CPD: variants seen among roughly 807,000 people sequenced by gnomAD.
CPD encodes metallocarboxypeptidase D.
CPD carries 69 observed loss-of-function variants against 138.3 expected under a neutral mutation model. The ratio of observed to expected loss-of-function variants is 0.50; its 90% CI spans 0.41 to 0.61. The LOEUF (loss-of-function observed/expected upper bound fraction) is 0.61, where lower values mean the gene tolerates loss of function less well. Ranked by LOEUF, CPD falls within the 20% of genes least tolerant of loss-of-function variation. The probability of loss-of-function intolerance (pLI) is 0.00; values close to 1 mark genes in which losing one functional copy is unlikely to be tolerated. For synonymous variants in CPD, 651 were observed against 642.1 expected, an observed-to-expected ratio of 1.01 and a Z score of -0.21; for missense variants, 1,432 against 1,733.3, an observed-to-expected ratio of 0.83 and a Z score of 3.09.
At chr17:30,400,912 C>T (rs1017920423) in intron 2 of CPD, among the ~76,000 whole-genome samples, 2 of 150,530 alleles carry the variant, frequency 1.3e-5, no homozygotes, top group Admixed American at 1.3e-4. Context: ...CTCCTGACCT[C>T]GTGATCCGCC....
chr17:30,461,256 G>C lies in CPD; in HGVS notation c.3575G>C (p.Arg1192Pro). ...TSCCYFPSAA[R>P]LPSLWADNKR... is the part of the protein sequence containing the mutation. Reference sequence around the variant, plus strand: ...TGCTGTTACTTTCCTAGTGCTGCACGACTCCCTTCCTTGTGGGCAGACAAT... The same window carrying C: ...TGCTGTTACTTTCCTAGTGCTGCACCACTCCCTTCCTTGTGGGCAGACAAT... Residue 1192 changes from arginine (R) to proline (P), a missense_variant, in exon 18 of 21, where the codon CGA becomes CCA. Physicochemically the swap from Arg to Pro is moderately radical, Grantham distance 103. Transcript: ENST00000225719. 1 of 1,612,032 alleles carries C rather than the reference G, an allele frequency of 6.2e-7. No homozygotes were observed. The highest frequency in any genetic ancestry group is 8.5e-7 in the Non-Finnish European group (1 of 1,179,038).
At chr17:30,437,339 G>A (rs1912729103) in intron 8 of CPD, among the ~76,000 whole-genome samples, 1 of 151,948 alleles carries the variant, frequency 6.6e-6, no homozygotes, top group African/African-American at 2.4e-5. Flanking sequence ...AAGACTGAGG[G>A]GTGGAGGATC....
chr17:30,419,940 C>G (rs1392022759), intron 2 of CPD, among the ~76,000 whole-genome samples: 2 of 152,214 alleles, frequency 1.3e-5, no homozygotes, highest in African/African-American at 4.8e-5. Flanking sequence ...ATCTGAGATG[C>G]ACTGGGGGTT....
Position 30,464,757 on chromosome 17 carries a change from T to G in CPD, c.4086T>G (p.His1362Gln). 2 of 1,613,988 alleles carry G rather than the reference T, an allele frequency of 1.2e-6. No individual in the cohort carries two copies. The highest frequency in any genetic ancestry group is 1.7e-6 in the Non-Finnish European group (2 of 1,179,906). The change falls in exon 21 of 21, where the codon CAT (histidine) becomes CAG (glutamine). Residue 1362 changes from histidine (H) to glutamine (Q), a missense_variant. His to Gln is a conservative substitution (Grantham distance 24). Coordinates refer to ENST00000225719, the MANE Select transcript of CPD (RefSeq NM_001304.5). ...GCTCCAAGAAGTCCCTCCTAAGCCATGAGTTCCAGGATGAAACAGACACTG... is the reference window on the plus strand; with the variant it reads ...GCTCCAAGAAGTCCCTCCTAAGCCAGGAGTTCCAGGATGAAACAGACACTG... ...STGSKKSLLS[H>Q]EFQDETDTEE... is the part of the protein sequence containing the mutation.
rs1913611363 is a variant in CPD, at chr17:30,465,468, C to G, written c.*654C>G. 1 of 152,632 alleles carries G rather than the reference C, an allele frequency of 6.6e-6. No homozygotes were observed. The highest frequency in any genetic ancestry group is 1.5e-5 in the Non-Finnish European group (1 of 68,064). 9.5% of individuals were successfully genotyped at this position (152,632 alleles called of 1,614,324 possible). A position where few individuals can be genotyped will look rare whatever the true frequency, so the allele number is the denominator to read the frequency against. On this transcript the variant is annotated 3_prime_UTR_variant, in exon 21 of 21. Transcript: ENST00000225719. ...TTTCACTACCTCTCTTAAGGTTTAG[C>G]AAACTTCTAAATAGCCCATTTTAAG...
At position 30,421,697 on chromosome 17, in the gene CPD, T is replaced by A. The variant is rs1410357042; in HGVS notation, c.1171T>A (p.Ser391Thr). 6.2e-7 allele frequency: 1 copy of A among 1,613,804 alleles called. No homozygotes were observed. The highest frequency in any genetic ancestry group is 8.5e-7 in the Non-Finnish European group (1 of 1,179,798). The change falls in exon 4 of 21, where the codon TCC becomes ACC. Residue 391 changes from serine (S) to threonine (T), a missense_variant. This residue lies in a region of CPD where 160 missense variants were observed against 197.9 expected (regional missense o/e 0.81). Coordinates refer to ENST00000225719, the MANE Select transcript of CPD (RefSeq NM_001304.5). ...TGGAGTGAAAGGATTTGTTAAAGAT[T>A]CCATAACAGGATCTGGGTTAGAGAA... is the stretch of plus-strand genomic sequence containing the variant. The part of the protein sequence containing the change: ...HIGVKGFVKD[S>T]ITGSGLENAT...
intron 12 of CPD, among the ~76,000 whole-genome samples, chr17:30,448,326 G>A (rs1913080292): frequency 6.6e-6 from 1 of 152,104 alleles, no homozygotes. Flanking sequence ...TCACACCACT[G>A]TACTCCAGCC....
At chr17:30,458,519 T>A (rs1261595661) in intron 17 of CPD, among the ~76,000 whole-genome samples, 1 of 151,906 alleles carries the variant, frequency 6.6e-6, no homozygotes, top group Admixed American at 6.6e-5. Flanking sequence ...GCGGGGTACA[T>A]GGCCCCCCTG....
At chr17:30,395,034 G>C (rs1911461389) in intron 2 of CPD, among the ~76,000 whole-genome samples, 2 of 152,082 alleles carry the variant, frequency 1.3e-5, no homozygotes. Context: ...GCTTGGGAGA[G>C]AGGTCAAGAT....
intron 2 of CPD, among the ~76,000 whole-genome samples, chr17:30,400,925 T>C (rs966441874): frequency 4.0e-5 from 6 of 151,352 alleles, no homozygotes; most frequent in Non-Finnish European, 7.4e-5. Flanking sequence ...GATCCGCCCG[T>C]CTCGGCCTCC....
rs895229211 is a variant in CPD at position 30,468,022 on chromosome 17, C to T, written c.*3208C>T. On this transcript the variant is annotated 3_prime_UTR_variant, in exon 21 of 21. Coordinates refer to ENST00000225719, the MANE Select transcript of CPD (RefSeq NM_001304.5). ...ACTTTTTTGGTAACTCTTTGGGTTT[C>T]TGATTTGTTTTAGCTAAAATTTTGG... The T allele has an allele frequency of 2.6e-5, 4 of 152,028 alleles. No individual in the cohort carries two copies. The highest frequency in any genetic ancestry group is 9.7e-5 in the African/African-American group (4 of 41,402). The allele number at this position is 152,028 out of a possible 1,614,324, so 9.4% of individuals were successfully genotyped here.
chr17:30,385,219 A>G lies in CPD; in HGVS notation c.977A>G (p.His326Arg), dbSNP rs868486057. ...AAAGATGGAATCACAAACGGCGCAC[A>G]TTGGTATGATGTGGAAGGTATGCAA... is the stretch of plus-strand genomic sequence containing the variant. ...TFKDGITNGAHWYDVEGGMQD... is the reference protein window; with the variant it reads ...TFKDGITNGARWYDVEGGMQD... Residue 326 changes from histidine (H) to arginine (R), a missense_variant, in exon 2 of 21, where the codon CAT becomes CGT. His to Arg is a conservative substitution (Grantham distance 29, BLOSUM62 0). Around this residue, in one of 6 missense-constraint regions of CPD, gnomAD observed 484 missense variants for 477.2 expected, o/e 1.01. Transcript: ENST00000225719. 1 of 1,613,992 alleles carries G rather than the reference A, an allele frequency of 6.2e-7. No individual in the cohort carries two copies. The highest frequency in any genetic ancestry group is 1.7e-5 in the Admixed American group (1 of 60,010).
Position 30,422,839 on chromosome 17 carries a change from C to T in CPD, c.1473C>T (p.Ser491=), listed in dbSNP as rs781167370. 1.2e-6 allele frequency: 2 copies of T among 1,614,062 alleles called. No homozygotes were observed. Among genetic ancestry groups the T allele is most frequent in the South Asian group, 2.2e-5 (2 of 91,080 alleles). ...CTAATATTCTTTCTGGAACATCATC[C>T]TCCTACCAGCCAATTCAGCCAAAGG... ...AIPNILSGTS[S]SYQPIQPKDF... is the part of the protein sequence containing the mutation. The change falls in exon 5 of 21, where the codon TCC becomes TCT. Residue 491 remains serine, a synonymous_variant. Transcript: ENST00000225719.
chr17:30,436,514 A>C (rs907397787), intron 8 of CPD, among the ~76,000 whole-genome samples: 1 of 152,244 alleles, frequency 6.6e-6, no homozygotes, highest in African/African-American at 2.4e-5. Flanking sequence ...TAAGCACATG[A>C]AAAGATGCTC....
intron 9 of CPD, 130 bp from the exon 10 acceptor site, chr17:30,442,178 A>G (rs986622214): frequency 4.1e-6 from 3 of 733,028 alleles, no homozygotes; most frequent in African/African-American, 3.5e-5. Context: ...GTGCCCTCAC[A>G]TGAACACGTT....
rs1311809029 is a variant in CPD at position 30,423,700 on chromosome 17, A to G, written c.1849+3A>G. On this transcript the variant is annotated splice_donor_region_variant and intron_variant, in intron 6 of 20. Coordinates refer to ENST00000225719, the MANE Select transcript of CPD (RefSeq NM_001304.5). Reference sequence around the variant, plus strand: ...TGGGTATGAAAAGTCCCAGGAAGGTAAAGAATAGCATTTAATTCTTAATCA... The same window carrying G: ...TGGGTATGAAAAGTCCCAGGAAGGTGAAGAATAGCATTTAATTCTTAATCA... 2 of 1,545,172 alleles carry G rather than the reference A, an allele frequency of 1.3e-6. No individual in the cohort carries two copies. Among genetic ancestry groups the G allele is most frequent in the South Asian group, 1.2e-5 (1 of 81,810 alleles).
chr17:30,436,790 A>G (rs113479022), intron 8 of CPD, among the ~76,000 whole-genome samples: 1,915 of 152,350 alleles, frequency 0.013, 37 homozygotes, highest in African/African-American at 0.044. Context: ...AAATGGAAAC[A>G]TGTATTCACA....
chr17:30,409,359 G>A (rs1185299743), intron 2 of CPD, among the ~76,000 whole-genome samples: 2 of 125,592 alleles, frequency 1.6e-5, no homozygotes, highest in Non-Finnish European at 3.7e-5. Flanking sequence ...TTATCAGGAT[G>A]ATGCTGGCCT....
intron 2 of CPD, among the ~76,000 whole-genome samples, chr17:30,388,287 C>T (rs962658979): frequency 6.6e-6 from 1 of 152,160 alleles, no homozygotes; most frequent in Non-Finnish European, 1.5e-5. Context: ...TCAGGACCTC[C>T]CTGGCCTGAA....
Sources: allele counts gnomAD v4.1 joint callset (sites outside exome capture counted in the v4.1 genomes callset), GRCh38; gene constraint gnomAD v4.1.1; regional missense constraint gnomAD v4.1.1; transcripts MANE v1.5; gene names NCBI Gene and HGNC (gene_info 2026-07-23, HGNC 2026-07-21).